The following ITPR2 variants were observed in gnomAD, a reference collection of about 807,000 sequenced individuals.
ITPR2 encodes the protein inositol 1,4,5-trisphosphate-gated calcium channel ITPR2.
A neutral mutation model predicts 317.1 loss-of-function variants in ITPR2; 207 were observed. That is an observed-to-expected ratio of 0.65 (90% confidence interval 0.58 to 0.73). ITPR2 has a LOEUF of 0.73. Ranked by LOEUF, ITPR2 falls within the 30% of genes least tolerant of loss-of-function variation. The pLI is 0.00. For missense variants in ITPR2, 2,613 were observed against 3,284.0 expected, an observed-to-expected ratio of 0.80 and a Z score of 4.99; for synonymous variants, 1,156 against 1,149.1, an observed-to-expected ratio of 1.01 and a Z score of -0.12.
rs374535544 is a variant in ITPR2 at position 26,674,536 on chromosome 12, A to G, written c.1409+7338T>C. Among the ~76,000 whole-genome samples, 5 of 152,236 alleles carry G rather than the reference A, an allele frequency of 3.3e-5. No homozygotes were observed. In the South Asian group the frequency reaches 8.3e-4, roughly 25 times the overall value. ...GGATCCCTTCCTTACACCTTATATA[A>G]AAATCAATTCAAAATGGATTAAAGA... On this transcript the variant is annotated intron_variant, in intron 13 of 56. Transcript: ENST00000381340.
At chr12:26,413,976 T>C (rs530913175) in intron 51 of ITPR2, among the ~76,000 whole-genome samples, 9 of 151,866 alleles carry the variant, frequency 5.9e-5, no homozygotes, top group Non-Finnish European at 1.3e-4. Context: ...AGTTACTCAG[T>C]GTCATCATGC....
intron 9 of ITPR2, among the ~76,000 whole-genome samples, chr12:26,709,846 C>T (rs7137399): frequency 0.7 from 106,132 of 152,148 alleles, 37,803 homozygotes; most frequent in African/African-American, 0.74. Flanking sequence ...AAAACATTTA[C>T]GCTATAAACA....
At chr12:26,794,410 T>C (rs549569972) in intron 1 of ITPR2, among the ~76,000 whole-genome samples, 2 of 152,294 alleles carry the variant, frequency 1.3e-5, no homozygotes, top group South Asian at 2.1e-4. Context: ...ATTTTCTACG[T>C]TTTTATTGTT....
In ITPR2 at chr12:26,584,316, ATGT is replaced by A. The variant is rs202214694; in HGVS notation, c.4381-4164_4381-4162del. Reference sequence around the variant, plus strand: ...CGTTTCTGTGGGAAGAGCAAGTAAAATGTTGTCTCTGCCATTAGGATATATGCT... The same window carrying A: ...CGTTTCTGTGGGAAGAGCAAGTAAAATGTCTCTGCCATTAGGATATATGCT... On this transcript the variant is annotated intron_variant, in intron 32 of 56. Transcript: ENST00000381340. Among the ~76,000 whole-genome samples, 831 of 152,276 alleles carry A rather than the reference ATGT, an allele frequency of 5.5e-3. 10 individuals carry two copies. The highest frequency in any genetic ancestry group is 0.019 in the African/African-American group (775 of 41,550).
chr12:26,668,829 A>C (rs1947685737), intron 13 of ITPR2, among the ~76,000 whole-genome samples: 1 of 152,222 alleles, frequency 6.6e-6, no homozygotes, highest in African/African-American at 2.4e-5. Flanking sequence ...TCTGAGAGAT[A>C]AAAATTATAG....
chr12:26,506,785 T>C (rs538993187), intron 37 of ITPR2, among the ~76,000 whole-genome samples: 1 of 152,292 alleles, frequency 6.6e-6, no homozygotes, highest in South Asian at 2.1e-4. Flanking sequence ...AATAGGATTT[T>C]CGTATTTTAC....
Position 26,336,950 on chromosome 12 carries a change from CT to C in ITPR2, c.*2446del, listed in dbSNP as rs1183179248. ...AGGAATTTGATGTTCTGAAAAGTGC[CT>C]TTTTTGTCTGCTTCGATTTTTTGTT... is the stretch of plus-strand genomic sequence containing the variant. On this transcript the variant is annotated 3_prime_UTR_variant, in exon 57 of 57. Coordinates refer to ENST00000381340, the MANE Select transcript of ITPR2 (RefSeq NM_002223.4). 3.7e-5 allele frequency: 5 copies of C among 134,680 alleles called. No homozygotes were observed. In the East Asian group the frequency reaches 8.6e-4, roughly 23 times the overall value. The allele number at this position is 134,680 out of a possible 1,614,324, so 8.3% of individuals were successfully genotyped here. A position where few individuals can be genotyped will look rare whatever the true frequency, so the allele number is the denominator to read the frequency against.
At chr12:26,543,234 T>C (rs1452025567) in intron 37 of ITPR2, among the ~76,000 whole-genome samples, 1 of 152,142 alleles carries the variant, frequency 6.6e-6, no homozygotes, top group Non-Finnish European at 1.5e-5. Context: ...TCTTTCTGTC[T>C]CCATTAGCAA....
Position 26,725,659 on chromosome 12 carries a change from C to A in ITPR2, c.270G>T (p.Lys90Asn). 1 of 1,611,808 alleles carries A rather than the reference C, an allele frequency of 6.2e-7. No individual in the cohort carries two copies. The change falls in exon 3 of 57, where the codon AAG becomes AAT. Residue 90 changes from lysine (K) to asparagine (N), a missense_variant. Physicochemically the swap from Lys to Asn is moderately conservative, Grantham distance 94. Transcript: ENST00000381340. ...QGNHTEAALLKKLQHAAELEQ... is the reference protein window; with the variant it reads ...QGNHTEAALLNKLQHAAELEQ... ...GAATCCTGGTCCTTACCTGTAGTTT[C>A]TTCAGCAAGGCTGCCTCGGTGTGGT...
chr12:26,583,880 T>C (rs1345791445), intron 32 of ITPR2, among the ~76,000 whole-genome samples: 1 of 152,188 alleles, frequency 6.6e-6, no homozygotes, highest in Admixed American at 6.5e-5. Flanking sequence ...CATCACTGTC[T>C]TTTCCAAGAA....
In ITPR2 at chr12:26,382,794, C is replaced by T. The variant is rs547099476; in HGVS notation, c.7857+4640G>A. 8.5e-5 allele frequency among the ~76,000 whole-genome samples: 13 copies of T among 152,290 alleles called. No individual in the cohort carries two copies. In the South Asian group the frequency reaches 2.1e-3, roughly 24 times the overall value. ...ACATATGTGTTTCCTGCGATTCTAACCCTTAGAAGCAATGTATTACTTTAT... is the reference window on the plus strand; with the variant it reads ...ACATATGTGTTTCCTGCGATTCTAATCCTTAGAAGCAATGTATTACTTTAT... On this transcript the variant is annotated intron_variant, in intron 55 of 56. Coordinates refer to ENST00000381340, the MANE Select transcript of ITPR2 (RefSeq NM_002223.4).
intron 15 of ITPR2, among the ~76,000 whole-genome samples, chr12:26,659,784 T>G (rs75864585): frequency 0.19 from 28,275 of 152,116 alleles, 3,505 homozygotes; most frequent in East Asian, 0.55. Context: ...CTGCCTGATA[T>G]TTCATTCATG....
intron 36 of ITPR2, among the ~76,000 whole-genome samples, chr12:26,553,524 C>G (rs912898283): frequency 6.6e-6 from 1 of 151,050 alleles, no homozygotes; most frequent in Non-Finnish European, 1.5e-5. Flanking sequence ...TGGTAGCTCA[C>G]GCCTGTAATC....
chr12:26,466,771 G>A (rs1346744098), intron 45 of ITPR2, among the ~76,000 whole-genome samples: 1 of 152,196 alleles, frequency 6.6e-6, no homozygotes, highest in Non-Finnish European at 1.5e-5. Context: ...AACACAGGGT[G>A]CAGGGGTGGA....
At chr12:26,548,333 C>G (rs543721947) in intron 37 of ITPR2, among the ~76,000 whole-genome samples, 1 of 152,018 alleles carries the variant, frequency 6.6e-6, no homozygotes, top group East Asian at 1.9e-4. Context: ...CACAGATTTC[C>G]GGAGGCTAAT....
chr12:26,769,720 A>G (rs1949805198), intron 2 of ITPR2, among the ~76,000 whole-genome samples: 1 of 152,340 alleles, frequency 6.6e-6, no homozygotes, highest in Admixed American at 6.5e-5. Flanking sequence ...GACACTTTAT[A>G]CTAGAGAATA....
chr12:26,476,319 C>T (rs1234759459), intron 44 of ITPR2, among the ~76,000 whole-genome samples: 1 of 152,160 alleles, frequency 6.6e-6, no homozygotes, highest in Non-Finnish European at 1.5e-5. Flanking sequence ...ATTCTCAATG[C>T]TTTTGGAACC....
chr12:26,394,248 T>C (rs547608401), intron 54 of ITPR2, among the ~76,000 whole-genome samples: 1 of 152,330 alleles, frequency 6.6e-6, no homozygotes, highest in South Asian at 2.1e-4. Context: ...AGTGTAGACC[T>C]ATGACTACTT....
chr12:26,339,808 G>C (rs1938045395), intron 56 of ITPR2, among the ~76,000 whole-genome samples: 1 of 152,112 alleles, frequency 6.6e-6, no homozygotes, highest in South Asian at 2.1e-4. Flanking sequence ...TGATAAAGGG[G>C]TTCATTATAG....
Sources: allele counts gnomAD v4.1 joint callset (sites outside exome capture counted in the v4.1 genomes callset), GRCh38; gene constraint gnomAD v4.1.1; transcripts MANE v1.5; gene names NCBI Gene and HGNC (gene_info 2026-07-23, HGNC 2026-07-21).